VSIR: variants seen among roughly 807,000 people sequenced by gnomAD.
VSIR encodes the protein V-type immunoglobulin domain-containing suppressor of T-cell activation.
Under a neutral mutation model 31.0 loss-of-function variants are expected in VSIR, and 10 were observed. That is an observed-to-expected ratio of 0.32 (90% CI 0.20 to 0.55). The LOEUF is 0.55. Ranked by LOEUF, VSIR falls within the 20% of genes least tolerant of loss-of-function variation. VSIR has a pLI of 0.93. For missense variants in VSIR, 356 were observed against 416.2 expected, an observed-to-expected ratio of 0.86 and a Z score of 1.26; for synonymous variants, 179 against 180.1, an observed-to-expected ratio of 0.99 and a Z score of 0.05.
intron 1 of VSIR, among the ~76,000 whole-genome samples, chr10:71,765,567 C>G (rs1475396761): frequency 6.6e-6 from 1 of 152,150 alleles, no homozygotes; most frequent in East Asian, 1.9e-4. Flanking sequence ...GGTTAATGAC[C>G]CCAGGATTGT....
At chr10:71,760,052 C>T (rs1840296154) in intron 3 of VSIR, among the ~76,000 whole-genome samples, 2 of 102,106 alleles carry the variant, frequency 2.0e-5, no homozygotes, top group South Asian at 3.5e-4. Context: ...TATACACACA[C>T]ACATATATAT....
At chr10:71,756,122 A>G (rs1840139852) in intron 3 of VSIR, among the ~76,000 whole-genome samples, 2 of 152,122 alleles carry the variant, frequency 1.3e-5, no homozygotes, top group African/African-American at 4.8e-5. Context: ...TCCTTGTACA[A>G]TGTTTTTCAA....
chr10:71,760,314 C>T (rs199812506), intron 3 of VSIR, among the ~76,000 whole-genome samples: 9,904 of 82,190 alleles, frequency 0.12, 1,751 homozygotes, highest in East Asian at 0.3. Flanking sequence ...TATACACACA[C>T]ATATATATAT....
chr10:71,764,389 T>C (rs1318496133), intron 1 of VSIR, among the ~76,000 whole-genome samples: 1 of 151,874 alleles, frequency 6.6e-6, no homozygotes, highest in Non-Finnish European at 1.5e-5. Flanking sequence ...CTCAGACACA[T>C]AGACACTATA....
intron 1 of VSIR, among the ~76,000 whole-genome samples, chr10:71,768,771 T>TGCTCG (rs1840618831): frequency 6.6e-6 from 1 of 152,250 alleles, no homozygotes; most frequent in Non-Finnish European, 1.5e-5. Flanking sequence ...TGAGCCACTG[T>TGCTCG]GCTCGGCCTC....
Position 71,751,296 on chromosome 10 carries a change from A to C in VSIR, c.899-6T>G. 6.2e-7 allele frequency: 1 copy of C among 1,609,896 alleles called. No homozygotes were observed. The highest frequency in any genetic ancestry group is 1.3e-5 in the African/African-American group (1 of 74,990). ...TGGAGAGTCAGGGACAGGGTCTGCA[A>C]GAAAAGGAGAAGCAAAGTGAACGGG... On this transcript the variant is annotated splice_region_variant and splice_polypyrimidine_tract_variant and intron_variant, in intron 6 of 6. Coordinates refer to ENST00000394957, the MANE Select transcript of VSIR (RefSeq NM_022153.2). The surrounding 1 kb of genome is among the most constrained non-coding windows in gnomAD (Gnocchi z 4.9).
In VSIR at chr10:71,751,636, T is replaced by A. The variant is rs1840004772; in HGVS notation, c.898+32A>T. 2 of 1,510,748 alleles carry A rather than the reference T, an allele frequency of 1.3e-6. No homozygotes were observed. Among genetic ancestry groups the A allele is most frequent in the East Asian group, 4.6e-5 (2 of 43,678 alleles). The allele number at this position is 1,510,748 out of a possible 1,614,324, so 93.6% of individuals were successfully genotyped here. ...GGCCATGAGGTCATGACCTTACAGG[T>A]CATCGTGCTGTGAAGGTCAGGAAAC... On this transcript the variant is annotated intron_variant, in intron 6 of 6. Coordinates refer to ENST00000394957, the MANE Select transcript of VSIR (RefSeq NM_022153.2). This position sits in a 1 kb window ranked among gnomAD's most constrained non-coding sequence, Gnocchi z 4.9.
intron 3 of VSIR, among the ~76,000 whole-genome samples, chr10:71,758,957 C>T (rs189115439): frequency 6.3e-4 from 96 of 151,378 alleles, no homozygotes; most frequent in African/African-American, 2.3e-3. Context: ...GCAACTTCTG[C>T]CTCCCAGGTT....
intron 1 of VSIR, among the ~76,000 whole-genome samples, chr10:71,766,177 C>T (rs1232150761): frequency 6.6e-6 from 1 of 152,200 alleles, no homozygotes; most frequent in Non-Finnish European, 1.5e-5. Context: ...TTGTCAGGAG[C>T]AGATCCTTTT....
intron 1 of VSIR, among the ~76,000 whole-genome samples, chr10:71,764,397 A>G (rs1291853237): frequency 2.0e-5 from 3 of 152,152 alleles, no homozygotes; most frequent in Non-Finnish European, 2.9e-5. Context: ...CATAGACACT[A>G]TACTGATGAA....
intron 3 of VSIR, among the ~76,000 whole-genome samples, chr10:71,759,844 C>CATATATAT (rs1564779098): frequency 4.0e-5 from 1 of 24,918 alleles, no homozygotes; most frequent in Non-Finnish European, 1.1e-4. Flanking sequence ...CACACACACA[C>CATATATAT]ACATATACAC....
intron 3 of VSIR, among the ~76,000 whole-genome samples, chr10:71,757,947 C>G (rs933436326): frequency 2.6e-5 from 4 of 152,212 alleles, no homozygotes; most frequent in Non-Finnish European, 5.9e-5. Context: ...GCACCAACTT[C>G]TCTAGTCTCA....
Position 71,761,999 on chromosome 10 carries a change from G to A in VSIR, c.110C>T (p.Thr37Met), listed in dbSNP as rs199678615. The A allele has an allele frequency of 1.5e-5, 24 of 1,609,282 alleles. 1 individual carries two copies. Among genetic ancestry groups the A allele is most frequent in the Admixed American group, 6.7e-5 (4 of 59,868 alleles). ...LGPVAAFKVA[T>M]PYSLYVCPEG... ...GGGACAGACATACAGGGAATACGGC[G>A]TGGCGACCTTGAAGGCTGCCACCGG... is the stretch of plus-strand genomic sequence containing the variant. The change falls in exon 2 of 7, where the codon ACG (threonine) becomes ATG (methionine). Residue 37 changes from threonine to methionine, a missense_variant. Physicochemically the swap from Thr to Met is moderately conservative, Grantham distance 81. Around this residue, in one of 2 missense-constraint regions of VSIR, gnomAD observed 166 missense variants for 231.0 expected, o/e 0.72. Coordinates refer to ENST00000394957, the MANE Select transcript of VSIR (RefSeq NM_022153.2).
intron 1 of VSIR, among the ~76,000 whole-genome samples, chr10:71,770,818 T>A (rs1368175770): frequency 6.6e-6 from 1 of 152,118 alleles, no homozygotes; most frequent in African/African-American, 2.4e-5. Flanking sequence ...GGTGGAAGCA[T>A]GAACAACTAG....
At position 71,749,310 on chromosome 10, in the gene VSIR, T is replaced by G. The variant is rs542937626; in HGVS notation, c.*1943A>C. 8 of 152,416 alleles carry G rather than the reference T, an allele frequency of 5.2e-5. No individual in the cohort carries two copies. Among genetic ancestry groups the G allele is most frequent in the African/African-American group, 1.7e-4 (7 of 41,568 alleles). 9.4% of individuals were successfully genotyped at this position (152,416 alleles called of 1,614,324 possible). A position where few individuals can be genotyped will look rare whatever the true frequency, so the allele number is the denominator to read the frequency against. On this transcript the variant is annotated 3_prime_UTR_variant, in exon 7 of 7. Transcript: ENST00000394957. ...ATACCCTCTTTCCTTCTTTCTTTCT[T>G]TTTAAAATTTGTTTTGAGGCAAAGT...
At chr10:71,758,369 A>G (rs888029177) in intron 3 of VSIR, among the ~76,000 whole-genome samples, 15 of 152,186 alleles carry the variant, frequency 9.9e-5, no homozygotes, top group Non-Finnish European at 1.5e-4. Context: ...TGGATGTCTG[A>G]CACATACAGG....
Position 71,752,569 on chromosome 10 carries a change from C to G in VSIR, c.704+406G>C, listed in dbSNP as rs112171630. Among the ~76,000 whole-genome samples, 200 of 152,324 alleles carry G rather than the reference C, an allele frequency of 1.3e-3. 1 individual carries two copies. The highest frequency in any genetic ancestry group is 4.6e-3 in the African/African-American group (192 of 41,576). ...CACTCTGGGACCCCTCAGCCTCTGCCCTTGTGGCCTGCAGCGGCCTAACAG... is the reference window on the plus strand; with the variant it reads ...CACTCTGGGACCCCTCAGCCTCTGCGCTTGTGGCCTGCAGCGGCCTAACAG... On this transcript the variant is annotated intron_variant, in intron 5 of 6. Transcript: ENST00000394957.
chr10:71,769,313 C>T (rs1005513739), intron 1 of VSIR, among the ~76,000 whole-genome samples: 9 of 152,122 alleles, frequency 5.9e-5, no homozygotes, highest in African/African-American at 1.4e-4. Context: ...TCCGAGCCTT[C>T]CCAGGCTAAA....
chr10:71,754,951 G>A (rs1296312176), intron 4 of VSIR: 1 of 400,900 alleles, frequency 2.5e-6, no homozygotes, highest in Non-Finnish European at 5.1e-6. Flanking sequence ...TTCCACTTCT[G>A]ATATTCCAAA....
Sources: allele counts gnomAD v4.1 joint callset (sites outside exome capture counted in the v4.1 genomes callset), GRCh38; gene constraint gnomAD v4.1.1; regional missense constraint gnomAD v4.1.1; non-coding constraint Gnocchi (gnomAD v3.1); transcripts MANE v1.5; gene names NCBI Gene and HGNC (gene_info 2026-07-23, HGNC 2026-07-21).